SYNPO: variants seen among roughly 807,000 people sequenced by gnomAD.
SYNPO encodes the protein synaptopodin.
In SYNPO, 19 loss-of-function variants were observed where a neutral mutation model predicts 49.5. The observed-to-expected ratio is 0.38, with a 90% CI of 0.27 to 0.56. The LOEUF is 0.56. SYNPO is among the 20% of genes least tolerant of loss of function. The pLI is 0.68. For missense variants in SYNPO, 1,131 were observed against 1,248.3 expected (o/e 0.91, Z 1.42); for synonymous variants, 536 against 548.0 (o/e 0.98, Z 0.31).
At chr5:150,605,744 C>CCA (rs1368819320) in intron 1 of SYNPO, among the ~76,000 whole-genome samples, 34 of 141,210 alleles carry the variant, frequency 2.4e-4, no homozygotes, top group African/African-American at 7.4e-4. Context: ...ACCACCCCCA[C>CCA]CACACACACA....
At chr5:150,616,015 G>T (rs1326127104) in intron 1 of SYNPO, among the ~76,000 whole-genome samples, 2 of 152,240 alleles carry the variant, frequency 1.3e-5, no homozygotes, top group African/African-American at 4.8e-5. Flanking sequence ...GGCAGAAGGT[G>T]GGCTTCTTTC....
intron 1 of SYNPO, among the ~76,000 whole-genome samples, chr5:150,602,220 G>A (rs966813350): frequency 1.3e-5 from 2 of 152,224 alleles, no homozygotes; most frequent in Non-Finnish European, 2.9e-5. Flanking sequence ...GCCTTACTGG[G>A]CGCCAGGCTC....
At chr5:150,609,792 G>T (rs569601085) in intron 1 of SYNPO, among the ~76,000 whole-genome samples, 2 of 151,760 alleles carry the variant, frequency 1.3e-5, no homozygotes, top group South Asian at 2.1e-4. Flanking sequence ...GTGGCGGGGG[G>T]GGGCAGTGTG....
Position 150,658,276 on chromosome 5 carries a change from GTGT to G in SYNPO, c.*1191_*1193del, listed in dbSNP as rs562920708. On this transcript the variant is annotated 3_prime_UTR_variant, in exon 3 of 3. Coordinates refer to ENST00000307662, the MANE Select transcript of SYNPO (RefSeq NM_007286.6). The stretch of plus-strand genomic sequence containing the variant: ...CGATGAGCTTGGGTACGTGAGCAGG[GTGT>G]TAAGTTAGGGTCTGCCTGTATTTCT... 7.4e-4 allele frequency: 113 copies of G among 152,446 alleles called. No homozygotes were observed. Among genetic ancestry groups the G allele is most frequent in the Non-Finnish European group, 1.4e-3 (94 of 68,048 alleles). 9.4% of individuals were successfully genotyped at this position (152,446 alleles called of 1,614,324 possible). A position where few individuals can be genotyped will look rare whatever the true frequency, so the allele number is the denominator to read the frequency against.
chr5:150,656,917 C>T lies in SYNPO; in HGVS notation c.2542C>T (p.Pro848Ser). 1 of 1,579,536 alleles carries T rather than the reference C, an allele frequency of 6.3e-7. No homozygotes were observed. Among genetic ancestry groups the T allele is most frequent in the Non-Finnish European group, 8.6e-7 (1 of 1,163,680 alleles). ...GAGCCCGCTGCCCGCGCCTCCCAGG[C>T]CCTTCCTCTACCGCCGCTCGCCCAC... is the stretch of plus-strand genomic sequence containing the variant. ...PRSPLPAPPRPFLYRRSPTDS... is the reference protein window; with the variant it reads ...PRSPLPAPPRSFLYRRSPTDS... Residue 848 changes from proline (P) to serine (S), a missense_variant, in exon 3 of 3, where the codon CCC (proline) becomes TCC (serine). Pro to Ser is a moderately conservative substitution (Grantham distance 74). Transcript: ENST00000307662.
upstream of SYNPO, among the ~76,000 whole-genome samples, chr5:150,639,378 C>T (rs1230911072): frequency 6.6e-6 from 1 of 152,260 alleles, no homozygotes; most frequent in Non-Finnish European, 1.5e-5. Context: ...TGTTCCTGCT[C>T]TGGGGCCTCT....
the SYNPO span, among the ~76,000 whole-genome samples, chr5:150,595,711 G>A: frequency 2.6e-5 from 4 of 152,192 alleles, no homozygotes; most frequent in Admixed American, 6.5e-5. Flanking sequence ...GCTGGCCTTC[G>A]CGATAAGGCG....
At chr5:150,650,521 G>A (rs1188238872) in intron 2 of SYNPO, 27 of 1,475,282 alleles carry the variant, frequency 1.8e-5, no homozygotes, top group East Asian at 5.0e-5. Context: ...AGCTGAAGCC[G>A]CCCCTCCCCT....
chr5:150,599,483 A>G (rs1014609392), upstream of SYNPO, among the ~76,000 whole-genome samples: 64 of 152,318 alleles, frequency 4.2e-4, no homozygotes, highest in African/African-American at 1.5e-3. Context: ...AGTGAGCCCC[A>G]GGAGGGTGAC....
At chr5:150,627,191 G>A (rs1420659120) in intron 2 of SYNPO, among the ~76,000 whole-genome samples, 1 of 152,228 alleles carries the variant, frequency 6.6e-6, no homozygotes, top group African/African-American at 2.4e-5. Context: ...GGGGAAGCAG[G>A]CAGGGCTGCC....
chr5:150,617,748 A>C (rs937428146), intron 1 of SYNPO: 6 of 152,208 alleles, frequency 3.9e-5, no homozygotes, highest in Admixed American at 6.5e-5. Flanking sequence ...ACGTGTTGTT[A>C]AATAACTAGA....
intron 1 of SYNPO, chr5:150,615,235 T>C (rs1756952519): frequency 6.6e-6 from 1 of 152,240 alleles, no homozygotes; most frequent in African/African-American, 2.4e-5. Context: ...GGAGTGCTCC[T>C]GCCAACTCCT....
upstream of SYNPO, among the ~76,000 whole-genome samples, chr5:150,597,320 G>GTTGT (rs1554106131): frequency 2.6e-5 from 4 of 152,234 alleles, no homozygotes; most frequent in East Asian, 5.8e-4. Context: ...ATTTGGTTTT[G>GTTGT]TTGTTTTGTT....
intron 1 of SYNPO, among the ~76,000 whole-genome samples, chr5:150,612,880 A>T (rs1756886559): frequency 1.3e-5 from 2 of 152,244 alleles, no homozygotes; most frequent in South Asian, 4.2e-4. Flanking sequence ...CCTGGGCTCA[A>T]GCACTCCTCC....
At chr5:150,624,719 C>T (rs1757292657) in intron 2 of SYNPO, 1 of 529,016 alleles carries the variant, frequency 1.9e-6, no homozygotes, top group Admixed American at 6.4e-5. Context: ...GCTCCCAGCC[C>T]GGGGTCCCGG....
At chr5:150,592,120 G>A in the SYNPO span, among the ~76,000 whole-genome samples, 3 of 152,034 alleles carry the variant, frequency 2.0e-5, no homozygotes, top group African/African-American at 7.3e-5. Context: ...AGCTGAGATT[G>A]CTCCATTGCA....
At chr5:150,628,457 C>T (rs961478619) in intron 2 of SYNPO, among the ~76,000 whole-genome samples, 4 of 152,126 alleles carry the variant, frequency 2.6e-5, no homozygotes, top group Non-Finnish European at 5.9e-5. Context: ...GAGATCTTAA[C>T]TATGTTATGT....
chr5:150,595,496 C>A, the SYNPO span, among the ~76,000 whole-genome samples: 1 of 152,186 alleles, frequency 6.6e-6, no homozygotes, highest in African/African-American at 2.4e-5. Context: ...CGGCATAGGC[C>A]ACTCTCTGGG....
chr5:150,654,694 T>C (rs1162167449), intron 2 of SYNPO, among the ~76,000 whole-genome samples: 1 of 152,150 alleles, frequency 6.6e-6, no homozygotes, highest in African/African-American at 2.4e-5. Context: ...TAGGGAGGAA[T>C]GGCCCGACTT....
Sources: allele counts gnomAD v4.1 joint callset (sites outside exome capture counted in the v4.1 genomes callset), GRCh38; gene constraint gnomAD v4.1.1; transcripts MANE v1.5; gene names NCBI Gene and HGNC (gene_info 2026-07-23, HGNC 2026-07-21).